Variants in ATP9B observed in about 807,000 individuals in gnomAD.
ATP9B encodes ATPase phospholipid transporting 9B.
A neutral mutation model predicts 146.1 loss-of-function variants in ATP9B; 110 were observed. The observed-to-expected ratio is 0.75, with a 90% CI of 0.65 to 0.88. The LOEUF (loss-of-function observed/expected upper bound fraction) is 0.88, where lower values mean the gene tolerates loss of function less well. Ranked by LOEUF, ATP9B falls within the 40% of genes least tolerant of loss-of-function variation. The pLI, the probability that ATP9B is intolerant of heterozygous loss-of-function variation, is 0.00. For synonymous variants in ATP9B, 604 were observed against 569.7 expected (o/e 1.06, Z -0.86); for missense variants, 1,499 against 1,496.4 (o/e 1.00, Z -0.03).
At chr18:79,105,843 G>A (rs1022667701) in intron 2 of ATP9B, among the ~76,000 whole-genome samples, 1 of 152,176 alleles carries the variant, frequency 6.6e-6, no homozygotes, top group African/African-American at 2.4e-5. Flanking sequence ...AGAAGCATGG[G>A]CGAATGTGCT....
At chr18:79,271,111 T>G (rs140319391) in intron 12 of ATP9B, among the ~76,000 whole-genome samples, 9 of 152,244 alleles carry the variant, frequency 5.9e-5, no homozygotes, top group African/African-American at 2.2e-4. Flanking sequence ...AGCTTACTCT[T>G]CCGAAAACAC....
chr18:79,331,007 A>G (rs2096787208), intron 17 of ATP9B, among the ~76,000 whole-genome samples: 1 of 152,386 alleles, frequency 6.6e-6, no homozygotes, highest in African/African-American at 2.4e-5. Context: ...AAGCAATCCC[A>G]TATTTCATTA....
intron 12 of ATP9B, among the ~76,000 whole-genome samples, chr18:79,276,386 T>C (rs1424844377): frequency 2.6e-5 from 4 of 152,274 alleles, no homozygotes; most frequent in East Asian, 1.9e-4. Flanking sequence ...ATTTTAAAAA[T>C]GACTAAAAAG....
chr18:79,233,745 A>G (rs1450990127), intron 11 of ATP9B, among the ~76,000 whole-genome samples: 2 of 152,186 alleles, frequency 1.3e-5, no homozygotes, highest in African/African-American at 4.8e-5. Context: ...TCCACGCATA[A>G]GTTTTGACTC....
At chr18:79,131,514 T>G (rs377391516) in intron 5 of ATP9B, among the ~76,000 whole-genome samples, 1 of 152,206 alleles carries the variant, frequency 6.6e-6, no homozygotes, top group Admixed American at 6.5e-5. Context: ...TTTTAAAATA[T>G]AGAATATCGA....
intron 7 of ATP9B, among the ~76,000 whole-genome samples, chr18:79,163,298 G>C (rs1340435966): frequency 6.6e-6 from 1 of 152,152 alleles, no homozygotes. Flanking sequence ...TTTAACATGA[G>C]GCATGGCTTT....
chr18:79,375,393 G>C lies in ATP9B; in HGVS notation c.3275-1G>C. ...TTTTCTTTATTACTGTTTTGGAACA[G>C]GTATAGGCAGAGTGTCTTTTGGAGC... On this transcript the variant is annotated splice_acceptor_variant, in intron 28 of 29. Coordinates refer to ENST00000426216, the MANE Select transcript of ATP9B (RefSeq NM_198531.5). LOFTEE classifies it high-confidence loss of function. 1 of 1,611,662 alleles carries C rather than the reference G, an allele frequency of 6.2e-7. No individual in the cohort carries two copies. Among genetic ancestry groups the C allele is most frequent in the South Asian group, 1.1e-5 (1 of 91,010 alleles).
At chr18:79,108,504 G>T (rs1225321520) in intron 2 of ATP9B, among the ~76,000 whole-genome samples, 1 of 152,074 alleles carries the variant, frequency 6.6e-6, no homozygotes, top group Non-Finnish European at 1.5e-5. Context: ...GAGGTGTTTG[G>T]GTTTATTGTT....
chr18:79,271,068 C>T (rs1341609044), intron 12 of ATP9B, among the ~76,000 whole-genome samples: 1 of 152,154 alleles, frequency 6.6e-6, no homozygotes, highest in Non-Finnish European at 1.5e-5. Flanking sequence ...TCTGGTCTTT[C>T]TTTGATTCAG....
At chr18:79,283,022 G>T (rs894087359) in intron 13 of ATP9B, among the ~76,000 whole-genome samples, 1 of 152,226 alleles carries the variant, frequency 6.6e-6, no homozygotes, top group Non-Finnish European at 1.5e-5. Flanking sequence ...TTGCCTTTGT[G>T]AGGCCTCTAG....
intron 15 of ATP9B, among the ~76,000 whole-genome samples, chr18:79,309,662 A>C (rs888412222): frequency 1.6e-4 from 24 of 150,960 alleles, no homozygotes; most frequent in Non-Finnish European, 3.3e-4. Flanking sequence ...ACTGATCCCC[A>C]GCAGGTAGAA....
chr18:79,195,756 T>C (rs1041362743), intron 9 of ATP9B, among the ~76,000 whole-genome samples: 5 of 151,976 alleles, frequency 3.3e-5, no homozygotes, highest in African/African-American at 1.2e-4. Flanking sequence ...AGCGTGCCTG[T>C]GGGGGATGCA....
chr18:79,124,958 AAGAC>A (rs777246374), intron 4 of ATP9B, among the ~76,000 whole-genome samples: 14 of 152,196 alleles, frequency 9.2e-5, no homozygotes, highest in Admixed American at 3.3e-4. Flanking sequence ...TGGCTTCAGA[AAGAC>A]AGCCAGGAGA....
chr18:79,113,425 T>G, intron 4 of ATP9B, 71 bp downstream of exon 4: 1 of 969,560 alleles, frequency 1.0e-6, no homozygotes, highest in Non-Finnish European at 1.6e-6. Context: ...GTTGAGATGG[T>G]TAAAAGTTAA....
chr18:79,210,630 G>A (rs578017087), intron 10 of ATP9B, among the ~76,000 whole-genome samples: 9 of 152,336 alleles, frequency 5.9e-5, no homozygotes, highest in Admixed American at 4.6e-4. Context: ...TGCGTGGTTG[G>A]AGTTGTACGT....
intron 8 of ATP9B, among the ~76,000 whole-genome samples, chr18:79,181,013 G>C (rs971819024): frequency 3.4e-5 from 5 of 149,246 alleles, no homozygotes; most frequent in Non-Finnish European, 7.4e-5. Flanking sequence ...GTTTCACCAT[G>C]TTGGCCAAGC....
chr18:79,210,953 T>C (rs1386483648), intron 10 of ATP9B, among the ~76,000 whole-genome samples: 4 of 152,262 alleles, frequency 2.6e-5, no homozygotes, highest in South Asian at 2.1e-4. Flanking sequence ...TTAAGGCCAT[T>C]AATTGTTTTG....
At chr18:79,289,955 C>G (rs904516693) in intron 13 of ATP9B, among the ~76,000 whole-genome samples, 2 of 152,154 alleles carry the variant, frequency 1.3e-5, no homozygotes, top group Non-Finnish European at 2.9e-5. Flanking sequence ...ATGCTGCTGT[C>G]TGATCGTTCC....
intron 9 of ATP9B, among the ~76,000 whole-genome samples, chr18:79,206,524 G>A (rs1050389829): frequency 1.3e-5 from 2 of 152,102 alleles, no homozygotes; most frequent in Non-Finnish European, 2.9e-5. Context: ...CGCTAGGCAT[G>A]CTGGATGCAC....
Sources: gnomAD v4.1 joint callset for allele counts (sites outside exome capture counted in the v4.1 genomes callset) on GRCh38, gnomAD v4.1.1 for gene constraint, MANE v1.5 for transcripts, NCBI Gene and HGNC (gene_info 2026-07-23, HGNC 2026-07-21) for gene names.